Variants in PPM1L observed in about 807,000 individuals in gnomAD.
PPM1L encodes the protein protein phosphatase, Mg2+/Mn2+ dependent 1L.
PPM1L carries 13 observed loss-of-function variants against 31.4 expected under a neutral mutation model. The ratio of observed to expected loss-of-function variants is 0.41; its 90% CI spans 0.27 to 0.66. The LOEUF is 0.66. Ranked by LOEUF, PPM1L falls within the 30% of genes least tolerant of loss-of-function variation. The pLI, the probability that PPM1L is intolerant of heterozygous loss-of-function variation, is 0.29. For missense variants in PPM1L, 326 were observed against 453.7 expected, an observed-to-expected ratio of 0.72 and a Z score of 2.56; for synonymous variants, 184 against 175.4, an observed-to-expected ratio of 1.05 and a Z score of -0.39.
At chr3:160,934,533 T>C (rs1031855273) in intron 1 of PPM1L, among the ~76,000 whole-genome samples, 1 of 152,180 alleles carries the variant, frequency 6.6e-6, no homozygotes, top group African/African-American at 2.4e-5. Context: ...ATTCCTTCAC[T>C]CCAAAAGAAC....
intron 2 of PPM1L, among the ~76,000 whole-genome samples, chr3:161,048,806 C>T (rs1252033021): frequency 6.6e-6 from 1 of 151,616 alleles, no homozygotes; most frequent in Non-Finnish European, 1.5e-5. Flanking sequence ...TGGAAACCAT[C>T]ATTCTCAGCA....
At chr3:160,922,043 G>A (rs1236352141) in intron 1 of PPM1L, among the ~76,000 whole-genome samples, 2 of 152,160 alleles carry the variant, frequency 1.3e-5, no homozygotes, top group African/African-American at 4.8e-5. Flanking sequence ...GGGCACGGTG[G>A]CTCACACCTG....
At chr3:160,818,807 G>T (rs1342080345) in intron 1 of PPM1L, among the ~76,000 whole-genome samples, 1 of 151,828 alleles carries the variant, frequency 6.6e-6, no homozygotes, top group African/African-American at 2.4e-5. Context: ...ATGGTATTTA[G>T]CATATCCATT....
intron 1 of PPM1L, among the ~76,000 whole-genome samples, chr3:160,858,981 T>G (rs1238043416): frequency 6.6e-6 from 1 of 152,180 alleles, no homozygotes; most frequent in Non-Finnish European, 1.5e-5. Context: ...AATGAATCTA[T>G]ACTTCCCGTG....
intron 1 of PPM1L, among the ~76,000 whole-genome samples, chr3:160,885,657 G>A (rs1243346654): frequency 1.3e-5 from 2 of 152,250 alleles, no homozygotes; most frequent in Non-Finnish European, 2.9e-5. Context: ...AAGGGAGGCA[G>A]TGAGTGAGCA....
chr3:160,892,453 C>T (rs1234795430), intron 1 of PPM1L, among the ~76,000 whole-genome samples: 1 of 152,130 alleles, frequency 6.6e-6, no homozygotes, highest in Admixed American at 6.5e-5. Flanking sequence ...CCAGGCCCTA[C>T]CTCCAACACT....
intron 2 of PPM1L, among the ~76,000 whole-genome samples, chr3:160,987,940 A>G (rs1322554465): frequency 2.0e-5 from 3 of 152,192 alleles, no homozygotes. Context: ...TTCTGGTCCT[A>G]TCGGCTGTGG....
At chr3:160,805,130 C>T (rs1712557962) in intron 1 of PPM1L, among the ~76,000 whole-genome samples, 2 of 152,196 alleles carry the variant, frequency 1.3e-5, no homozygotes, top group African/African-American at 4.8e-5. Flanking sequence ...GGCAGATCAT[C>T]TGTGATTTTT....
At chr3:160,880,439 G>GTA (rs1712673125) in intron 1 of PPM1L, among the ~76,000 whole-genome samples, 1 of 152,046 alleles carries the variant, frequency 6.6e-6, no homozygotes, top group Non-Finnish European at 1.5e-5. Flanking sequence ...TGCTGATTGA[G>GTA]TATATATATA....
At chr3:160,974,492 T>C (rs1029661413) in intron 2 of PPM1L, among the ~76,000 whole-genome samples, 9 of 150,968 alleles carry the variant, frequency 6.0e-5, no homozygotes, top group South Asian at 2.1e-4. Flanking sequence ...CCACCAACAG[T>C]GTAAAAGTGT....
rs1034233939 is a variant in PPM1L at position 160,961,625 on chromosome 3, G to C, written c.400-111G>C. 5.2e-6 allele frequency: 4 copies of C among 776,202 alleles called. No individual in the cohort carries two copies. In the African/African-American group the frequency reaches 7.3e-5, roughly 14 times the overall value. The allele number at this position is 776,202 out of a possible 1,614,324, so 48.1% of individuals were successfully genotyped here. A position where few individuals can be genotyped will look rare whatever the true frequency, so the allele number is the denominator to read the frequency against. On this transcript the variant is annotated intron_variant, in intron 1 of 3. Coordinates refer to ENST00000498165, the MANE Select transcript of PPM1L (RefSeq NM_139245.4). The stretch of plus-strand genomic sequence containing the variant: ...GATGACAAGGACATGCTTGTCTGGA[G>C]GGTTGGTTTCACAGTGCTTTGAGCT...
intron 1 of PPM1L, among the ~76,000 whole-genome samples, chr3:160,785,112 C>T (rs950557258): frequency 3.9e-4 from 60 of 152,240 alleles, no homozygotes; most frequent in African/African-American, 1.4e-3. Context: ...TCTCCTTCAA[C>T]AAGGATTTAT....
chr3:160,998,010 C>A (rs911911578), intron 2 of PPM1L, among the ~76,000 whole-genome samples: 1 of 151,976 alleles, frequency 6.6e-6, no homozygotes, highest in African/African-American at 2.4e-5. Flanking sequence ...TTCAGAAGAG[C>A]ATATCACAGA....
chr3:160,867,189 T>C (rs970583512), intron 1 of PPM1L, among the ~76,000 whole-genome samples: 22 of 152,162 alleles, frequency 1.4e-4, no homozygotes, highest in Non-Finnish European at 2.9e-4. Flanking sequence ...GCAAATAATA[T>C]GGAGTTACTG....
chr3:160,944,570 G>A (rs1416697110), intron 1 of PPM1L, among the ~76,000 whole-genome samples: 2 of 149,016 alleles, frequency 1.3e-5, no homozygotes, highest in African/African-American at 4.9e-5. Context: ...AATATCTGGA[G>A]TGTTAGAATT....
At chr3:160,908,606 A>C (rs889003801) in intron 1 of PPM1L, among the ~76,000 whole-genome samples, 8 of 152,220 alleles carry the variant, frequency 5.3e-5, no homozygotes, top group Non-Finnish European at 1.2e-4. Flanking sequence ...TTTTTTCACC[A>C]AATATTTATG....
chr3:160,768,736 T>C (rs975024945), intron 1 of PPM1L, among the ~76,000 whole-genome samples: 1 of 152,052 alleles, frequency 6.6e-6, no homozygotes, highest in Non-Finnish European at 1.5e-5. Context: ...GATGGTACAT[T>C]ATTGGGAAGT....
intron 1 of PPM1L, among the ~76,000 whole-genome samples, chr3:160,910,492 A>G (rs1360315400): frequency 6.6e-6 from 1 of 151,932 alleles, no homozygotes; most frequent in Non-Finnish European, 1.5e-5. Flanking sequence ...TTGTATTTTT[A>G]GTAGAGACGG....
intron 2 of PPM1L, among the ~76,000 whole-genome samples, chr3:160,978,990 AT>A (rs1394228027): frequency 6.6e-6 from 1 of 152,070 alleles, no homozygotes; most frequent in Non-Finnish European, 1.5e-5. Flanking sequence ...TATATTGAAC[AT>A]GTAGAATATC....
Sources: allele counts gnomAD v4.1 joint callset (sites outside exome capture counted in the v4.1 genomes callset), GRCh38; gene constraint gnomAD v4.1.1; transcripts MANE v1.5; gene names NCBI Gene and HGNC (gene_info 2026-07-23, HGNC 2026-07-21).